GIPC2: variants seen among roughly 807,000 people sequenced by gnomAD.
GIPC2 encodes PDZ domain-containing protein GIPC2.
A neutral mutation model predicts 30.6 loss-of-function variants in GIPC2; 30 were observed. The ratio of observed to expected loss-of-function variants is 0.98; its 90% CI spans 0.73 to 1.33. GIPC2 has a LOEUF of 1.33. GIPC2 is among the 40% of genes most tolerant of loss of function. GIPC2 has a pLI of 0.00. For missense variants in GIPC2, 414 were observed against 390.3 expected (o/e 1.06, Z -0.51); for synonymous variants, 167 against 150.0 (o/e 1.11, Z -0.83).
At chr1:78,084,577 T>A (rs982476061) in intron 2 of GIPC2, among the ~76,000 whole-genome samples, 9 of 152,096 alleles carry the variant, frequency 5.9e-5, no homozygotes, top group Non-Finnish European at 8.8e-5. Flanking sequence ...CCCACAGGGT[T>A]ATTTCTTGGC....
chr1:78,078,044 C>G (rs373208626), intron 1 of GIPC2, among the ~76,000 whole-genome samples: 1 of 150,990 alleles, frequency 6.6e-6, no homozygotes, highest in Non-Finnish European at 1.5e-5. Flanking sequence ...AAAAATTAGC[C>G]GGGCGTAGTG....
At chr1:78,095,241 T>C in intron 3 of GIPC2, 109 bp downstream of exon 3, 1 of 667,220 alleles carries the variant, frequency 1.5e-6, no homozygotes, top group Non-Finnish European at 2.6e-6. Flanking sequence ...TAGTGTCTTC[T>C]TATCTAACAT....
chr1:78,110,802 C>G (rs572213579), intron 3 of GIPC2, among the ~76,000 whole-genome samples: 26 of 152,162 alleles, frequency 1.7e-4, no homozygotes, highest in South Asian at 6.2e-4. Context: ...TCACTTTCTC[C>G]AGGAAGTCTC....
chr1:78,076,481 A>C (rs980482423), intron 1 of GIPC2, among the ~76,000 whole-genome samples: 2 of 152,218 alleles, frequency 1.3e-5, no homozygotes, highest in African/African-American at 4.8e-5. Flanking sequence ...GTTCCACCTC[A>C]GATCATCAGG....
rs558646719 is a variant in GIPC2 at position 78,060,345 on chromosome 1, A to G, written c.240+14011A>G. Among the ~76,000 whole-genome samples the G allele has an allele frequency of 6.6e-4, 100 of 152,190 alleles. 2 individuals carry two copies. The South Asian group carries it at 0.02, about 31-fold the overall frequency. On this transcript the variant is annotated intron_variant, in intron 1 of 5. Transcript: ENST00000370759. ...TTTTTAGTAGAGATGGGGTTTTGCC[A>G]TGTTGCCTAGGCTGGTCTCAAACTC...
chr1:78,070,358 T>C (rs2100323651), intron 1 of GIPC2, among the ~76,000 whole-genome samples: 1 of 152,294 alleles, frequency 6.6e-6, no homozygotes, highest in Non-Finnish European at 1.5e-5. Context: ...AGGAGGCTTT[T>C]AAGAAGATAA....
At chr1:78,116,985 G>A (rs1392974490) in intron 3 of GIPC2, among the ~76,000 whole-genome samples, 2 of 150,490 alleles carry the variant, frequency 1.3e-5, no homozygotes, top group Non-Finnish European at 3.0e-5. Context: ...GTGTAAAAGT[G>A]TTCCTATTTC....
At chr1:78,098,862 A>G (rs1270181125) in intron 3 of GIPC2, among the ~76,000 whole-genome samples, 2 of 152,152 alleles carry the variant, frequency 1.3e-5, no homozygotes, top group Non-Finnish European at 2.9e-5. Context: ...TCAAGGAGAG[A>G]GGCCTCAAAA....
At chr1:78,050,182 G>A (rs1002527861) in intron 1 of GIPC2, among the ~76,000 whole-genome samples, 1 of 150,460 alleles carries the variant, frequency 6.6e-6, no homozygotes, top group Non-Finnish European at 1.5e-5. Context: ...ACCGACGTGA[G>A]CTACTGCACC....
chr1:78,059,162 G>A (rs1038154553), intron 1 of GIPC2, among the ~76,000 whole-genome samples: 1 of 152,118 alleles, frequency 6.6e-6, no homozygotes. Flanking sequence ...TTTGACTAGG[G>A]CCTGAGAATG....
At chr1:78,073,019 C>T (rs991219490) in intron 1 of GIPC2, among the ~76,000 whole-genome samples, 2 of 150,786 alleles carry the variant, frequency 1.3e-5, no homozygotes, top group African/African-American at 4.9e-5. Flanking sequence ...CTGTATTAGC[C>T]AGGATGGTCT....
At chr1:78,079,070 A>C (rs971019005) in intron 1 of GIPC2, among the ~76,000 whole-genome samples, 1 of 152,204 alleles carries the variant, frequency 6.6e-6, no homozygotes, top group Non-Finnish European at 1.5e-5. Flanking sequence ...CCCCCTGAGA[A>C]CAATATCATT....
chr1:78,136,787 TGA>T lies in GIPC2; in HGVS notation c.*1048_*1049del, dbSNP rs1390983174. 1.3e-5 allele frequency: 2 copies of T among 151,938 alleles called. No homozygotes were observed. Among genetic ancestry groups the T allele is most frequent in the African/African-American group, 4.8e-5 (2 of 41,370 alleles). The allele number at this position is 151,938 out of a possible 1,614,324, so 9.4% of individuals were successfully genotyped here. On this transcript the variant is annotated 3_prime_UTR_variant, in exon 6 of 6. Transcript: ENST00000370759. ...ATACACTCTAAATTAAAGAGAAAATTGAGAGTAAATGACTGTCTTATCACTCT... is the reference window on the plus strand; with the variant it reads ...ATACACTCTAAATTAAAGAGAAAATTGAGTAAATGACTGTCTTATCACTCT...
chr1:78,089,621 C>T (rs575448608), intron 2 of GIPC2, among the ~76,000 whole-genome samples: 1 of 152,138 alleles, frequency 6.6e-6, no homozygotes. Context: ...GCTGGGGTTA[C>T]AGGGATGAGC....
At chr1:78,086,014 G>A (rs568653180) in intron 2 of GIPC2, among the ~76,000 whole-genome samples, 2 of 151,750 alleles carry the variant, frequency 1.3e-5, no homozygotes, top group African/African-American at 4.8e-5. Flanking sequence ...GTGATGTTAG[G>A]TAGTTAAGGT....
chr1:78,114,017 C>A (rs1662521864), intron 3 of GIPC2, among the ~76,000 whole-genome samples: 1 of 152,140 alleles, frequency 6.6e-6, no homozygotes, highest in Middle Eastern at 3.2e-3. Flanking sequence ...GTAACAGATA[C>A]AATTGCCACA....
At chr1:78,080,907 A>G in intron 2 of GIPC2, 47 bp downstream of exon 2, 1 of 1,131,716 alleles carries the variant, frequency 8.8e-7, no homozygotes, top group African/African-American at 1.6e-5. Context: ...GATAACATTT[A>G]AGAAAATCTA....
intron 3 of GIPC2, among the ~76,000 whole-genome samples, chr1:78,100,923 C>G (rs1420650865): frequency 4.6e-5 from 2 of 43,448 alleles, no homozygotes; most frequent in African/African-American, 1.9e-4. Context: ...GAGTGAGACC[C>G]TGTCAAAAAA....
chr1:78,053,129 G>A (rs552637998), intron 1 of GIPC2, among the ~76,000 whole-genome samples: 2 of 152,320 alleles, frequency 1.3e-5, no homozygotes, highest in East Asian at 3.9e-4. Flanking sequence ...TATGAAGTAA[G>A]CCCGTCAAAA....
Sources: gnomAD v4.1 joint callset for allele counts (sites outside exome capture counted in the v4.1 genomes callset) on GRCh38, gnomAD v4.1.1 for gene constraint, MANE v1.5 for transcripts, NCBI Gene and HGNC (gene_info 2026-07-23, HGNC 2026-07-21) for gene names.